The following ITGB5 variants were observed in gnomAD, a reference collection of about 807,000 sequenced individuals.
ITGB5 encodes integrin subunit beta 5.
In ITGB5, 38 loss-of-function variants were observed where a neutral mutation model predicts 84.8. That is an observed-to-expected ratio of 0.45 (90% CI 0.35 to 0.59). The LOEUF is 0.59. Among genes scored for constraint, ITGB5 ranks in the 20% least tolerant of loss-of-function variants. The pLI is 0.01. For missense variants in ITGB5, 905 were observed against 1,034.5 expected (o/e 0.87, Z 1.72); for synonymous variants, 393 against 414.4 (o/e 0.95, Z 0.63).
chr3:124,889,742 G>A (rs10934700), upstream of ITGB5, among the ~76,000 whole-genome samples: 21,732 of 152,158 alleles, frequency 0.14, 1,595 homozygotes, highest in Admixed American at 0.18. Context: ...GGGCCAGCGC[G>A]TTGGCTCATG....
chr3:124,884,657 A>G (rs1377315529), intron 1 of ITGB5, among the ~76,000 whole-genome samples: 1 of 152,084 alleles, frequency 6.6e-6, no homozygotes, highest in Non-Finnish European at 1.5e-5. Flanking sequence ...GCCACTGTAC[A>G]CCATCCTGGG....
chr3:124,896,746 T>TAAAAAA (rs34601718), intron 1 of ITGB5, among the ~76,000 whole-genome samples: 1 of 124,570 alleles, frequency 8.0e-6, no homozygotes, highest in Non-Finnish European at 1.6e-5. Flanking sequence ...GACCTTGTCT[T>TAAAAAA]AAAAAAAAAA....
intron 8 of ITGB5, among the ~76,000 whole-genome samples, chr3:124,816,117 G>C (rs143069414): frequency 6.6e-6 from 1 of 152,290 alleles, no homozygotes; most frequent in Non-Finnish European, 1.5e-5. Flanking sequence ...GCAGTGGGAA[G>C]GGGGAAGAAA....
intron 10 of ITGB5, among the ~76,000 whole-genome samples, chr3:124,778,621 C>T (rs1435088957): frequency 6.6e-6 from 1 of 152,110 alleles, no homozygotes; most frequent in Admixed American, 6.5e-5. Context: ...TAGGGGACTC[C>T]CACAGGTAAC....
intron 9 of ITGB5, among the ~76,000 whole-genome samples, chr3:124,802,722 G>A (rs1436744675): frequency 6.6e-6 from 1 of 152,240 alleles, no homozygotes; most frequent in Non-Finnish European, 1.5e-5. Context: ...TGGCCTCCAA[G>A]GCCCTCAAGA....
At chr3:124,815,888 G>A (rs1337005112) in intron 8 of ITGB5, among the ~76,000 whole-genome samples, 2 of 152,198 alleles carry the variant, frequency 1.3e-5, no homozygotes, top group Admixed American at 6.5e-5. Flanking sequence ...GCACTACGGT[G>A]TAAAGTTAAT....
At chr3:124,775,604 G>A (rs1238189878) in intron 10 of ITGB5, among the ~76,000 whole-genome samples, 1 of 152,112 alleles carries the variant, frequency 6.6e-6, no homozygotes, top group Non-Finnish European at 1.5e-5. Context: ...GCCATTATGT[G>A]AAGGCTGATA....
chr3:124,882,828 G>A (rs886593392), intron 1 of ITGB5, among the ~76,000 whole-genome samples: 10 of 152,180 alleles, frequency 6.6e-5, no homozygotes, highest in African/African-American at 2.4e-4. Flanking sequence ...AGAGGGCAGG[G>A]TACCCCGCAG....
At chr3:124,802,411 G>A (rs1391831955) in intron 9 of ITGB5, among the ~76,000 whole-genome samples, 1 of 152,168 alleles carries the variant, frequency 6.6e-6, no homozygotes, top group Non-Finnish European at 1.5e-5. Flanking sequence ...GCCTTCTTGG[G>A]CCAGGGTTAA....
chr3:124,785,522 T>A (rs1238785123), intron 10 of ITGB5, among the ~76,000 whole-genome samples: 1 of 150,140 alleles, frequency 6.7e-6, no homozygotes, highest in Non-Finnish European at 1.5e-5. Context: ...GAGGCAGAGG[T>A]TGCAGTGAGC....
chr3:124,834,347 C>G (rs931651064), intron 5 of ITGB5, among the ~76,000 whole-genome samples: 1 of 150,364 alleles, frequency 6.7e-6, no homozygotes, highest in African/African-American at 2.5e-5. Flanking sequence ...TGTGGGAATT[C>G]TTTATTTTCT....
At chr3:124,877,662 G>T (rs992636172) in intron 1 of ITGB5, among the ~76,000 whole-genome samples, 2 of 152,102 alleles carry the variant, frequency 1.3e-5, no homozygotes, top group African/African-American at 2.4e-5. Flanking sequence ...ACAAAAAAGA[G>T]GTCAGACGGG....
At chr3:124,831,004 AAC>A in intron 5 of ITGB5, among the ~76,000 whole-genome samples, 1 of 152,178 alleles carries the variant, frequency 6.6e-6, no homozygotes, top group South Asian at 2.1e-4. Context: ...CAACAACAAC[AAC>A]AAAAAAACAA....
At chr3:124,830,745 A>G (rs909789248) in intron 5 of ITGB5, among the ~76,000 whole-genome samples, 1 of 152,150 alleles carries the variant, frequency 6.6e-6, no homozygotes, top group Non-Finnish European at 1.5e-5. Context: ...GCCCTTTGGG[A>G]GGCCAAGGCA....
chr3:124,797,456 CCT>C (rs1051725507), intron 9 of ITGB5, among the ~76,000 whole-genome samples: 2 of 152,200 alleles, frequency 1.3e-5, no homozygotes, highest in Admixed American at 6.5e-5. Context: ...CCCCCATGCC[CCT>C]GAGGTCTTAA....
intron 10 of ITGB5, among the ~76,000 whole-genome samples, chr3:124,777,639 G>T (rs963324277): frequency 1.3e-5 from 2 of 152,168 alleles, no homozygotes; most frequent in African/African-American, 2.4e-5. Flanking sequence ...CTTCTCCAAG[G>T]GGCCTGGGCT....
At chr3:124,870,892 A>T (rs111641995) in intron 2 of ITGB5, among the ~76,000 whole-genome samples, 126 of 151,536 alleles carry the variant, frequency 8.3e-4, no homozygotes, top group Non-Finnish European at 1.6e-3. Flanking sequence ...AAACTGATTA[A>T]TTTTTTTTTC....
chr3:124,861,495 T>TATATATATATATATATAC (rs750712591), intron 2 of ITGB5, among the ~76,000 whole-genome samples: 4 of 112,014 alleles, frequency 3.6e-5, no homozygotes, highest in South Asian at 3.1e-4. Context: ...TATATATATA[T>TATATATATATATATATAC]ACACACACAC....
At chr3:124,872,937 T>G (rs1297111813) in intron 2 of ITGB5, among the ~76,000 whole-genome samples, 1 of 152,176 alleles carries the variant, frequency 6.6e-6, no homozygotes, top group Non-Finnish European at 1.5e-5. Context: ...AGCCTAACAT[T>G]GTCCCAAACC....
Sources: gnomAD v4.1 joint callset for allele counts (sites outside exome capture counted in the v4.1 genomes callset) on GRCh38, gnomAD v4.1.1 for gene constraint, MANE v1.5 for transcripts, NCBI Gene and HGNC (gene_info 2026-07-23, HGNC 2026-07-21) for gene names.